Variants in CCT6B observed in about 807,000 individuals in gnomAD.
CCT6B encodes probable T-complex protein 1 subunit zeta-2.
CCT6B carries 49 observed loss-of-function variants against 61.5 expected under a neutral mutation model. The observed-to-expected ratio is 0.80, with a 90% CI of 0.63 to 1.01. CCT6B has a LOEUF of 1.01. Among genes scored for constraint, CCT6B ranks in the 50% least tolerant of loss-of-function variants. The probability of loss-of-function intolerance (pLI) is 0.00; values close to 1 mark genes in which losing one functional copy is unlikely to be tolerated. For missense variants in CCT6B, 666 were observed against 634.7 expected, an observed-to-expected ratio of 1.05 and a Z score of -0.53; for synonymous variants, 228 against 214.5, an observed-to-expected ratio of 1.06 and a Z score of -0.55.
chr17:34,942,446 C>T, intron 7 of CCT6B, 38 bp downstream of exon 7: 1 of 1,533,324 alleles, frequency 6.5e-7, no homozygotes, highest in Non-Finnish European at 8.8e-7. Context: ...TGCTTAAGAA[C>T]ATTTACAAAT....
At chr17:34,945,993 A>T (rs1181218818) in intron 5 of CCT6B, among the ~76,000 whole-genome samples, 2 of 152,204 alleles carry the variant, frequency 1.3e-5, no homozygotes, top group African/African-American at 4.8e-5. Context: ...CAGAATGAAA[A>T]GCACAGAGCT....
At chr17:34,934,498 T>A (rs2142139237) in intron 10 of CCT6B, among the ~76,000 whole-genome samples, 1 of 152,296 alleles carries the variant, frequency 6.6e-6, no homozygotes, top group South Asian at 2.1e-4. Context: ...CAAAACTTTA[T>A]TTACCAAAAC....
At position 34,954,599 on chromosome 17, in the gene CCT6B, CCT is replaced by C; in HGVS notation, c.337-2_337-1del. ...TCAGCTATTATTCTAGGGTGCAGGCCCTGTTACATCAACATAAAATTATAAAT... is the reference window on the plus strand; with the variant it reads ...TCAGCTATTATTCTAGGGTGCAGGCCGTTACATCAACATAAAATTATAAAT... On this transcript the variant is annotated splice_acceptor_variant, in intron 3 of 13. Coordinates refer to ENST00000314144, the MANE Select transcript of CCT6B (RefSeq NM_006584.4). LOFTEE classifies it high-confidence loss of function. 6.3e-7 allele frequency: 1 copy of C among 1,590,488 alleles called. No individual in the cohort carries two copies. Among genetic ancestry groups the C allele is most frequent in the Non-Finnish European group, 8.5e-7 (1 of 1,172,740 alleles).
At chr17:34,935,388 T>C (rs902899794) in intron 10 of CCT6B, among the ~76,000 whole-genome samples, 1 of 152,216 alleles carries the variant, frequency 6.6e-6, no homozygotes, top group Admixed American at 6.5e-5. Flanking sequence ...CACTTAAAAA[T>C]TGTTAAACTG....
chr17:34,953,787 C>T (rs1436160182), intron 4 of CCT6B, among the ~76,000 whole-genome samples: 1 of 152,004 alleles, frequency 6.6e-6, no homozygotes, highest in Non-Finnish European at 1.5e-5. Flanking sequence ...GACCCCATCT[C>T]TACTAAAAAT....
chr17:34,959,291 A>ATTT (rs1160595019), intron 2 of CCT6B, among the ~76,000 whole-genome samples: 10 of 129,462 alleles, frequency 7.7e-5, no homozygotes, highest in African/African-American at 1.2e-4. Flanking sequence ...ACTGAGCAAA[A>ATTT]TTTTTTTTTT....
At chr17:34,953,318 A>AATATATATATATAT (rs757786280) in intron 4 of CCT6B, among the ~76,000 whole-genome samples, 17 of 141,114 alleles carry the variant, frequency 1.2e-4, no homozygotes, top group South Asian at 4.7e-4. Flanking sequence ...CTTTATATAA[A>AATATATATATATAT]ATATATATAT....
chr17:34,928,118 C>T lies in CCT6B; in HGVS notation c.1524-1G>A, dbSNP rs750797510. On this transcript the variant is annotated splice_acceptor_variant, in intron 13 of 13. Coordinates refer to ENST00000314144, the MANE Select transcript of CCT6B (RefSeq NM_006584.4). LOFTEE classifies it high-confidence loss of function. ...GAGAATGTTGGTGGCAATCACTGTG[C>T]TAAGGAAAAAGATGAGAGGGTGAGT... The T allele has an allele frequency of 6.2e-7, 1 of 1,608,320 alleles. No homozygotes were observed. Among genetic ancestry groups the T allele is most frequent in the Admixed American group, 1.7e-5 (1 of 59,220 alleles).
chr17:34,960,955 A>C (rs529294361), intron 1 of CCT6B, among the ~76,000 whole-genome samples: 9 of 152,382 alleles, frequency 5.9e-5, no homozygotes, highest in African/African-American at 2.2e-4. Context: ...TAAGGAGCAG[A>C]GGAGTTAAAT....
intron 5 of CCT6B, among the ~76,000 whole-genome samples, chr17:34,950,685 C>T (rs988205542): frequency 2.0e-5 from 3 of 152,146 alleles, no homozygotes; most frequent in Non-Finnish European, 2.9e-5. Context: ...AATCCCAGCA[C>T]TTTGGAAGGC....
At chr17:34,932,208 G>C (rs1194172976) in intron 11 of CCT6B, among the ~76,000 whole-genome samples, 159 bp downstream of exon 11, 2 of 152,158 alleles carry the variant, frequency 1.3e-5, no homozygotes, top group South Asian at 2.1e-4. Flanking sequence ...TATCGCAAAA[G>C]TTTCCCTGCT....
At chr17:34,942,027 C>T (rs191151396) in intron 7 of CCT6B, among the ~76,000 whole-genome samples, 108 of 150,648 alleles carry the variant, frequency 7.2e-4, no homozygotes, top group African/African-American at 2.5e-3. Flanking sequence ...GATGACAGAA[C>T]AAGACCCTGT....
At chr17:34,940,252 C>T (rs952023275) in intron 8 of CCT6B, among the ~76,000 whole-genome samples, 1 of 152,048 alleles carries the variant, frequency 6.6e-6, no homozygotes, top group South Asian at 2.1e-4. Context: ...TTTTAGATTC[C>T]ATATATAAAA....
At chr17:34,938,829 T>C (rs1597742674) in intron 10 of CCT6B, among the ~76,000 whole-genome samples, 1 of 152,272 alleles carries the variant, frequency 6.6e-6, no homozygotes, top group Middle Eastern at 3.4e-3. Context: ...ACACGTGTAA[T>C]TTCAGCTCTT....
At chr17:34,945,703 T>C (rs2090215832) in intron 5 of CCT6B, among the ~76,000 whole-genome samples, 1 of 152,176 alleles carries the variant, frequency 6.6e-6, no homozygotes, top group South Asian at 2.1e-4. Flanking sequence ...CCTTCTGAAG[T>C]ATAAATCAAG....
rs1567665816 is a variant in CCT6B, at chr17:34,939,322, T to C, written c.1074A>G (p.Glu358=). The part of the protein sequence containing the change: ...GLVYEYTLGE[E]KFTFIEECVN... ...CACACTCCTCAATAAAAGTGAACTTTTCTTCACCCTAAAGGGTGGCACAAA... is the reference window on the plus strand; with the variant it reads ...CACACTCCTCAATAAAAGTGAACTTCTCTTCACCCTAAAGGGTGGCACAAA... The change falls in exon 10 of 14, where the codon GAA becomes GAG. Residue 358 remains glutamate, a synonymous_variant. Transcript: ENST00000314144. 3 of 1,612,802 alleles carry C rather than the reference T, an allele frequency of 1.9e-6. No individual in the cohort carries two copies. Among genetic ancestry groups the C allele is most frequent in the Non-Finnish European group, 2.5e-6 (3 of 1,179,314 alleles).
intron 10 of CCT6B, among the ~76,000 whole-genome samples, chr17:34,933,372 CTT>C (rs896023089): frequency 2.6e-5 from 4 of 152,136 alleles, no homozygotes; most frequent in Non-Finnish European, 4.4e-5. Flanking sequence ...GTTTATGACT[CTT>C]ATTTAAATCA....
In CCT6B at chr17:34,952,011, G is replaced by A. The variant is rs1423021058; in HGVS notation, c.553C>T (p.Pro185Ser). ...ATTTCTACCATGAAGAGATCAATAG[G>A]GTAACCTGGTCTTCTAACAGCCAAA... is the stretch of plus-strand genomic sequence containing the variant. ...SVLAVRRPGYPIDLFMVEIME... is the reference protein window; with the variant it reads ...SVLAVRRPGYSIDLFMVEIME... The change falls in exon 5 of 14, where the codon CCT becomes TCT. Residue 185 changes from proline (P) to serine (S), a missense_variant. Coordinates refer to ENST00000314144, the MANE Select transcript of CCT6B (RefSeq NM_006584.4). The A allele has an allele frequency of 5.6e-6, 9 of 1,609,196 alleles. No homozygotes were observed. Among genetic ancestry groups the A allele is most frequent in the Non-Finnish European group, 7.6e-6 (9 of 1,176,754 alleles).
Position 34,929,050 on chromosome 17 carries a change from A to T in CCT6B, c.1451-16T>A, listed in dbSNP as rs773849388. On this transcript the variant is annotated splice_polypyrimidine_tract_variant and intron_variant, in intron 12 of 13. Transcript: ENST00000314144. Reference sequence around the variant, plus strand: ...ATTGGCTCACCTGAAAAGTAAAAACAATTTTCATACCAAAATCTTAGTATT... The same window carrying T: ...ATTGGCTCACCTGAAAAGTAAAAACTATTTTCATACCAAAATCTTAGTATT... 1 of 1,515,186 alleles carries T rather than the reference A, an allele frequency of 6.6e-7. No individual in the cohort carries two copies. Among genetic ancestry groups the T allele is most frequent in the Non-Finnish European group, 9.1e-7 (1 of 1,094,106 alleles). The allele number at this position is 1,515,186 out of a possible 1,614,324, so 93.9% of individuals were successfully genotyped here. A position where few individuals can be genotyped will look rare whatever the true frequency, so the allele number is the denominator to read the frequency against.
Sources: allele counts gnomAD v4.1 joint callset (sites outside exome capture counted in the v4.1 genomes callset), GRCh38; gene constraint gnomAD v4.1.1; transcripts MANE v1.5; gene names NCBI Gene and HGNC (gene_info 2026-07-23, HGNC 2026-07-21).